SLCO2A1: variants seen among roughly 807,000 people sequenced by gnomAD.
SLCO2A1 encodes the protein solute carrier organic anion transporter family member 2A1, also known as matrin F/G 1.
In SLCO2A1, 60 loss-of-function variants were observed where a neutral mutation model predicts 71.7. The ratio of observed to expected loss-of-function variants is 0.84; its 90% confidence interval spans 0.68 to 1.04. The LOEUF (loss-of-function observed/expected upper bound fraction) is 1.04, where lower values mean the gene tolerates loss of function less well. SLCO2A1 is among the 50% of genes least tolerant of loss of function. The pLI is 0.00. For synonymous variants in SLCO2A1, 308 were observed against 326.7 expected, an observed-to-expected ratio of 0.94 and a Z score of 0.62; for missense variants, 745 against 813.4, an observed-to-expected ratio of 0.92 and a Z score of 1.02.
chr3:134,025,808 C>T (rs1576465088), intron 1 of SLCO2A1, among the ~76,000 whole-genome samples: 1 of 152,272 alleles, frequency 6.6e-6, no homozygotes, highest in South Asian at 2.1e-4. Context: ...CCTTAGGAAT[C>T]AATGGGGCTG....
At chr3:134,018,426 G>C (rs1381249240) in intron 1 of SLCO2A1, among the ~76,000 whole-genome samples, 2 of 152,294 alleles carry the variant, frequency 1.3e-5, no homozygotes, top group Non-Finnish European at 2.9e-5. Flanking sequence ...GGAAGTGATG[G>C]ACATAGGCCA....
At chr3:134,015,428 G>C (rs767891374) in intron 1 of SLCO2A1, among the ~76,000 whole-genome samples, 6 of 151,220 alleles carry the variant, frequency 4.0e-5, no homozygotes, top group Non-Finnish European at 8.8e-5. Context: ...TGGTTACAGA[G>C]GCTGGGGGTG....
At chr3:133,961,624 G>A (rs1372526532) in intron 3 of SLCO2A1, among the ~76,000 whole-genome samples, 1 of 152,174 alleles carries the variant, frequency 6.6e-6, no homozygotes, top group Non-Finnish European at 1.5e-5. Context: ...TCTGGGGATT[G>A]TTTAACTGCT....
At chr3:134,017,416 A>G (rs1935477894) in intron 1 of SLCO2A1, among the ~76,000 whole-genome samples, 1 of 152,212 alleles carries the variant, frequency 6.6e-6, no homozygotes, top group Non-Finnish European at 1.5e-5. Context: ...CAGATTCCGC[A>G]GTGATAACCA....
In SLCO2A1 at chr3:133,951,241, A is replaced by G; in HGVS notation, c.828T>C (p.Phe276=). 1 of 1,614,184 alleles carries G rather than the reference A, an allele frequency of 6.2e-7. No individual in the cohort carries two copies. ...ALLVLTSFPF[F]FFPRAMPIGA... ...CTATGGGCATTGCTCGAGGGAAGAAAAAAAAGGGGAAAGAGGTGAGAACCA... is the reference window on the plus strand; with the variant it reads ...CTATGGGCATTGCTCGAGGGAAGAAGAAAAAGGGGAAAGAGGTGAGAACCA... Residue 276 remains phenylalanine (F), a synonymous_variant, in exon 6 of 14, where the codon TTT becomes TTC. Coordinates refer to ENST00000310926, the MANE Select transcript of SLCO2A1 (RefSeq NM_005630.3).
At chr3:133,942,441 G>C in intron 11 of SLCO2A1, 164 bp downstream of exon 11, 1 of 732,784 alleles carries the variant, frequency 1.4e-6, no homozygotes, top group Non-Finnish European at 2.2e-6. Context: ...GTTGCCATTA[G>C]TATTATTTCC....
chr3:133,944,812 G>T lies in SLCO2A1; in HGVS notation c.1461+283C>A, dbSNP rs368412518. Among the ~76,000 whole-genome samples the T allele has an allele frequency of 5.8e-4, 89 of 152,356 alleles. 4 individuals are homozygous for T. In the South Asian group the frequency reaches 0.018, roughly 30 times the overall value. The stretch of plus-strand genomic sequence containing the variant: ...GCTCAAAGGCCTCAGCTGAAGGAGT[G>T]CTTTGACTGGTTTCTGCTCTGAGCA... On this transcript the variant is annotated intron_variant, in intron 10 of 13. Transcript: ENST00000310926.
chr3:133,955,349 CCTT>C (rs1338617406), intron 3 of SLCO2A1, 156 bp from the exon 4 acceptor site: 1 of 612,996 alleles, frequency 1.6e-6, no homozygotes, highest in Non-Finnish European at 2.9e-6. Context: ...AGGACCGCGT[CCTT>C]CTGTCTGGCC....
chr3:133,999,894 C>G (rs548754492), intron 1 of SLCO2A1, among the ~76,000 whole-genome samples: 2 of 152,256 alleles, frequency 1.3e-5, no homozygotes, highest in South Asian at 2.1e-4. Context: ...TGGCCATCAC[C>G]GAAGACTTCT....
At chr3:133,946,948 C>A (rs913402430) in intron 9 of SLCO2A1, among the ~76,000 whole-genome samples, 2 of 151,954 alleles carry the variant, frequency 1.3e-5, no homozygotes, top group African/African-American at 4.8e-5. Flanking sequence ...AACCCCGCCT[C>A]AACTAAAAAT....
At chr3:133,987,169 C>A (rs1246278759) in intron 1 of SLCO2A1, among the ~76,000 whole-genome samples, 1 of 146,390 alleles carries the variant, frequency 6.8e-6, no homozygotes, top group Non-Finnish European at 1.5e-5. Flanking sequence ...CCCCACCCAT[C>A]CCCATTGTGA....
chr3:134,001,369 C>T (rs1311291600), intron 1 of SLCO2A1, among the ~76,000 whole-genome samples: 1 of 152,176 alleles, frequency 6.6e-6, no homozygotes, highest in African/African-American at 2.4e-5. Context: ...CGTCAGCCTC[C>T]CAAAGTGCTG....
chr3:133,947,196 C>A, intron 9 of SLCO2A1, 60 bp downstream of exon 9: 2 of 1,380,124 alleles, frequency 1.4e-6, no homozygotes, highest in East Asian at 2.3e-5. Context: ...AGATGTATAA[C>A]AGCCAGATCT....
chr3:134,022,875 TC>T (rs1330868061), intron 1 of SLCO2A1, among the ~76,000 whole-genome samples: 1 of 152,198 alleles, frequency 6.6e-6, no homozygotes, highest in African/African-American at 2.4e-5. Context: ...AAGTCCACTG[TC>T]CAGGTCCCCA....
intron 3 of SLCO2A1, among the ~76,000 whole-genome samples, chr3:133,970,305 A>C (rs1934293751): frequency 6.6e-6 from 1 of 152,202 alleles, no homozygotes; most frequent in Non-Finnish European, 1.5e-5. Context: ...AACTCAGAGC[A>C]GGGAGGAGGT....
At chr3:133,952,957 T>A (rs1028008776) in intron 5 of SLCO2A1, among the ~76,000 whole-genome samples, 1 of 152,224 alleles carries the variant, frequency 6.6e-6, no homozygotes, top group Non-Finnish European at 1.5e-5. Context: ...ATATTTTATA[T>A]GATGTTTCTT....
intron 3 of SLCO2A1, among the ~76,000 whole-genome samples, chr3:133,965,651 G>A (rs1032177920): frequency 5.6e-5 from 6 of 107,408 alleles, no homozygotes; most frequent in African/African-American, 1.6e-4. Flanking sequence ...ATGGGGACAA[G>A]TCTCTGGTGT....
At chr3:134,026,043 G>A (rs762142953) in intron 1 of SLCO2A1, among the ~76,000 whole-genome samples, 60 of 152,130 alleles carry the variant, frequency 3.9e-4, no homozygotes, top group Non-Finnish European at 6.9e-4. Flanking sequence ...TGGGAAGCCC[G>A]AGAATTAGTA....
intron 2 of SLCO2A1, among the ~76,000 whole-genome samples, chr3:133,977,943 C>A (rs529663034): frequency 1.3e-5 from 2 of 152,196 alleles, no homozygotes; most frequent in East Asian, 3.9e-4. Context: ...GAGACACAGG[C>A]ACACACACAG....
Sources: gnomAD v4.1 joint callset for allele counts (sites outside exome capture counted in the v4.1 genomes callset) on GRCh38, gnomAD v4.1.1 for gene constraint, MANE v1.5 for transcripts, NCBI Gene and HGNC (gene_info 2026-07-23, HGNC 2026-07-21) for gene names.